The following LEPR variants were observed in gnomAD, a reference collection of about 807,000 sequenced individuals.
LEPR encodes the protein OB receptor.
In LEPR, 56 loss-of-function variants were observed where a neutral mutation model predicts 114.7. The ratio of observed to expected loss-of-function variants is 0.49; its 90% CI spans 0.39 to 0.61. The LOEUF (loss-of-function observed/expected upper bound fraction) is 0.61, where lower values mean the gene tolerates loss of function less well. Among genes scored for constraint, LEPR ranks in the 20% least tolerant of loss-of-function variants. The pLI is 0.00. For missense variants in LEPR, 1,202 were observed against 1,352.9 expected (o/e 0.89, Z 1.75); for synonymous variants, 443 against 461.4 (o/e 0.96, Z 0.51).
At chr1:65,451,658 C>A (rs1476652601) in intron 2 of LEPR, among the ~76,000 whole-genome samples, 3 of 152,158 alleles carry the variant, frequency 2.0e-5, no homozygotes, top group Admixed American at 2.0e-4. Flanking sequence ...GGTACCAGTA[C>A]CGTGCTGTTT....
At position 65,421,393 on chromosome 1, in the gene LEPR, C is replaced by G. The variant is rs1281102340; in HGVS notation, c.-97+653C>G. 3 of 1,535,852 alleles carry G rather than the reference C, an allele frequency of 2.0e-6. No individual in the cohort carries two copies. The East Asian group carries it at 7.3e-5, about 38-fold the overall frequency. On this transcript the variant is annotated intron_variant, in intron 1 of 19. Coordinates refer to ENST00000349533, the MANE Select transcript of LEPR (RefSeq NM_002303.6). Reference sequence around the variant, plus strand: ...GGGCAGTTGGTAAAAACACCGCGTCCCTTATCTGTATGGCTTCAGAGCAAT... The same window carrying G: ...GGGCAGTTGGTAAAAACACCGCGTCGCTTATCTGTATGGCTTCAGAGCAAT...
Position 65,601,477 on chromosome 1 carries a change from T to A in LEPR, c.1080T>A (p.Ile360=). ...GCATCTATAAGAAGGAAAACAAGATTGTTCCCTCAAAAGAGATTGTTTGGT... is the reference window on the plus strand; with the variant it reads ...GCATCTATAAGAAGGAAAACAAGATAGTTCCCTCAAAAGAGATTGTTTGGT... The part of the protein sequence containing the change: ...FHCIYKKENK[I]VPSKEIVWWM... The change falls in exon 9 of 20, where the codon ATT becomes ATA. Residue 360 remains isoleucine (I), a synonymous_variant. Transcript: ENST00000349533. 1 of 1,613,758 alleles carries A rather than the reference T, an allele frequency of 6.2e-7. No homozygotes were observed. Among genetic ancestry groups the A allele is most frequent in the Non-Finnish European group, 8.5e-7 (1 of 1,179,710 alleles).
At chr1:65,631,867 G>T (rs545094740) in intron 19 of LEPR, among the ~76,000 whole-genome samples, 1 of 151,704 alleles carries the variant, frequency 6.6e-6, no homozygotes, top group East Asian at 1.9e-4. Flanking sequence ...AAATCACCTG[G>T]GTTTTTCCCT....
At chr1:65,443,584 G>A (rs902328225) in intron 2 of LEPR, among the ~76,000 whole-genome samples, 2 of 151,980 alleles carry the variant, frequency 1.3e-5, no homozygotes, top group African/African-American at 2.4e-5. Context: ...AATACTAAGG[G>A]ATAAAGTATT....
At chr1:65,524,353 C>T (rs1471898875) in intron 2 of LEPR, among the ~76,000 whole-genome samples, 6 of 152,092 alleles carry the variant, frequency 3.9e-5, no homozygotes, top group South Asian at 2.1e-4. Context: ...GGTTATTTTT[C>T]GCCTACCACA....
At chr1:65,571,970 TC>T (rs1156880290) in intron 4 of LEPR, among the ~76,000 whole-genome samples, 2 of 20,948 alleles carry the variant, frequency 9.5e-5, no homozygotes, top group Non-Finnish European at 1.8e-4. Context: ...ACACCCCATC[TC>T]AAAAAAAAAA....
chr1:65,463,571 T>C (rs980847794), intron 2 of LEPR, among the ~76,000 whole-genome samples: 2 of 152,308 alleles, frequency 1.3e-5, no homozygotes, highest in African/African-American at 2.4e-5. Flanking sequence ...AAGTCAGTGG[T>C]AGCTTGATGG....
intron 2 of LEPR, among the ~76,000 whole-genome samples, chr1:65,464,093 G>A (rs1162163528): frequency 2.0e-5 from 3 of 152,242 alleles, no homozygotes; most frequent in Non-Finnish European, 4.4e-5. Flanking sequence ...GGGCATCCTT[G>A]TCTTGTGCTG....
chr1:65,552,979 T>C (rs1343969452), intron 2 of LEPR, among the ~76,000 whole-genome samples: 1 of 152,162 alleles, frequency 6.6e-6, no homozygotes, highest in Non-Finnish European at 1.5e-5. Flanking sequence ...TTATGAAGCT[T>C]AATTTGGCTG....
intron 2 of LEPR, among the ~76,000 whole-genome samples, chr1:65,454,739 G>A (rs1251811520): frequency 1.3e-5 from 2 of 151,962 alleles, no homozygotes; most frequent in Admixed American, 6.6e-5. Flanking sequence ...TTCAACTTTG[G>A]TGAATCTGAC....
At chr1:65,610,141 G>A in intron 13 of LEPR, 35 bp downstream of exon 13, 1 of 1,614,134 alleles carries the variant, frequency 6.2e-7, no homozygotes, top group South Asian at 1.1e-5. Flanking sequence ...TTTTGAAAGT[G>A]CATAAGTGTG....
chr1:65,580,755 T>A (rs966824985), intron 5 of LEPR, among the ~76,000 whole-genome samples: 1 of 152,174 alleles, frequency 6.6e-6, no homozygotes, highest in Non-Finnish European at 1.5e-5. Flanking sequence ...GGAAAGGCTG[T>A]GCTGTAATAA....
chr1:65,565,528 T>C lies in LEPR; in HGVS notation c.-20-18T>C. ...TTTGTTTTTGTGTGTGTTCTGATTT[T>C]AGATTTACCTTTTCCAGGTGTACTT... On this transcript the variant is annotated intron_variant, in intron 2 of 19. Transcript: ENST00000349533. The C allele has an allele frequency of 1.2e-6, 2 of 1,613,532 alleles. No individual in the cohort carries two copies. The highest frequency in any genetic ancestry group is 1.7e-6 in the Non-Finnish European group (2 of 1,179,676).
intron 2 of LEPR, among the ~76,000 whole-genome samples, chr1:65,519,887 T>C (rs1197852435): frequency 6.6e-6 from 1 of 152,016 alleles, no homozygotes; most frequent in Non-Finnish European, 1.5e-5. Context: ...TTTTTTGAGA[T>C]GGAGTCTCGC....
intron 2 of LEPR, among the ~76,000 whole-genome samples, chr1:65,464,194 G>A (rs1022568723): frequency 2.0e-5 from 3 of 152,054 alleles, no homozygotes; most frequent in African/African-American, 7.2e-5. Flanking sequence ...TTTTAGATAC[G>A]TTCCATCAAT....
chr1:65,626,181 T>C (rs1432378791), intron 19 of LEPR: 25 of 1,610,554 alleles, frequency 1.6e-5, no homozygotes, highest in Non-Finnish European at 2.0e-5. Flanking sequence ...GAAATGCTTG[T>C]AGACTACGTC....
At chr1:65,603,377 A>G (rs762522374) in intron 10 of LEPR, among the ~76,000 whole-genome samples, 7 of 150,432 alleles carry the variant, frequency 4.7e-5, no homozygotes, top group Non-Finnish European at 8.9e-5. Context: ...ACACACATTC[A>G]TGATTGTAAT....
At chr1:65,483,167 G>GACACTGT (rs1178910686) in intron 2 of LEPR, among the ~76,000 whole-genome samples, 16 of 151,980 alleles carry the variant, frequency 1.1e-4, no homozygotes, top group African/African-American at 3.9e-4. Flanking sequence ...AAGGACAGCA[G>GACACTGT]AAAGCAGACT....
intron 2 of LEPR, among the ~76,000 whole-genome samples, chr1:65,556,818 T>TG (rs1264674057): frequency 1.3e-5 from 2 of 152,190 alleles, no homozygotes; most frequent in African/African-American, 4.8e-5. Context: ...CTTGTAGTCC[T>TG]GTTCAGGACT....
Sources: gnomAD v4.1 joint callset for allele counts (sites outside exome capture counted in the v4.1 genomes callset) on GRCh38, gnomAD v4.1.1 for gene constraint, MANE v1.5 for transcripts, NCBI Gene and HGNC (gene_info 2026-07-23, HGNC 2026-07-21) for gene names.